TRPM3: variants seen among roughly 807,000 people sequenced by gnomAD.
TRPM3 encodes the protein transient receptor potential cation channel subfamily M member 3.
A neutral mutation model predicts 181.2 loss-of-function variants in TRPM3; 77 were observed. The ratio of observed to expected loss-of-function variants is 0.42; its 90% CI spans 0.35 to 0.51. The LOEUF is 0.51. Among genes scored for constraint, TRPM3 ranks in the 20% least tolerant of loss-of-function variants. TRPM3 has a pLI of 0.01. For missense variants in TRPM3, 1,759 were observed against 2,196.7 expected (o/e 0.80, Z 3.98); for synonymous variants, 745 against 796.4 (o/e 0.94, Z 1.09).
At chr9:71,046,231 A>C (rs2430869) in intron 1 of TRPM3, among the ~76,000 whole-genome samples, 36,393 of 151,872 alleles carry the variant, frequency 0.24, 4,990 homozygotes, top group East Asian at 0.41. Flanking sequence ...GTGATCCACC[A>C]GACTCGGCCT....
chr9:71,010,787 A>T (rs1350295772), intron 1 of TRPM3, among the ~76,000 whole-genome samples: 1 of 152,142 alleles, frequency 6.6e-6, no homozygotes, highest in Non-Finnish European at 1.5e-5. Context: ...ATGTATCCAA[A>T]AGAAATGAAA....
intron 1 of TRPM3, among the ~76,000 whole-genome samples, chr9:71,305,986 A>G (rs940580688): frequency 6.6e-6 from 1 of 152,180 alleles, no homozygotes; most frequent in Non-Finnish European, 1.5e-5. Context: ...TGTTGTACAC[A>G]CTAAACTTTC....
intron 1 of TRPM3, among the ~76,000 whole-genome samples, chr9:71,248,374 T>G (rs911037662): frequency 1.3e-5 from 2 of 152,214 alleles, no homozygotes; most frequent in Non-Finnish European, 2.9e-5. Flanking sequence ...CTGGACATTC[T>G]GATATTTGAA....
chr9:70,585,731 C>T (rs2056995004), intron 22 of TRPM3, among the ~76,000 whole-genome samples: 1 of 152,130 alleles, frequency 6.6e-6, no homozygotes, highest in African/African-American at 2.4e-5. Flanking sequence ...TGCCTGTTTC[C>T]TCCATTCCAG....
intron 1 of TRPM3, among the ~76,000 whole-genome samples, chr9:71,350,118 A>G (rs981066578): frequency 6.6e-6 from 1 of 151,998 alleles, no homozygotes; most frequent in Non-Finnish European, 1.5e-5. Context: ...GATTCTTCTA[A>G]AATCTTGCTA....
intron 1 of TRPM3, among the ~76,000 whole-genome samples, chr9:70,918,836 T>A (rs13289002): frequency 0.037 from 5,637 of 151,674 alleles, 321 homozygotes; most frequent in African/African-American, 0.13. Flanking sequence ...TTATTTTTTT[T>A]AAAAAAATAA....
At chr9:71,141,730 A>T (rs750453788) in intron 1 of TRPM3, among the ~76,000 whole-genome samples, 1 of 152,166 alleles carries the variant, frequency 6.6e-6, no homozygotes, top group Non-Finnish European at 1.5e-5. Context: ...ATAAATTTTT[A>T]TTACATTTTA....
intron 1 of TRPM3, among the ~76,000 whole-genome samples, chr9:71,375,870 G>A (rs902554407): frequency 2.0e-5 from 3 of 151,966 alleles, no homozygotes; most frequent in African/African-American, 7.2e-5. Context: ...TATGTACATT[G>A]TTTTTTAGAC....
intron 1 of TRPM3, among the ~76,000 whole-genome samples, chr9:70,960,312 G>T (rs958636468): frequency 1.3e-5 from 2 of 152,150 alleles, no homozygotes; most frequent in Non-Finnish European, 2.9e-5. Flanking sequence ...TGCCACTCAA[G>T]CTTGCTTGTT....
At chr9:71,134,736 C>A (rs2074660316) in intron 1 of TRPM3, among the ~76,000 whole-genome samples, 1 of 152,096 alleles carries the variant, frequency 6.6e-6, no homozygotes, top group Non-Finnish European at 1.5e-5. Flanking sequence ...TGAATGCTAT[C>A]TTATTGGTCT....
chr9:70,763,676 A>G (rs913419785), intron 7 of TRPM3, among the ~76,000 whole-genome samples: 3 of 152,176 alleles, frequency 2.0e-5, no homozygotes, highest in Admixed American at 6.5e-5. Context: ...GTGAATGTCT[A>G]CTTAGTGCCA....
intron 1 of TRPM3, among the ~76,000 whole-genome samples, chr9:71,216,126 TCTCAA>T (rs1337838461): frequency 6.6e-6 from 1 of 152,220 alleles, no homozygotes; most frequent in Non-Finnish European, 1.5e-5. Flanking sequence ...AGAATTTTGC[TCTCAA>T]CTAAGGGATC....
At chr9:71,085,661 C>T (rs1201863706) in intron 1 of TRPM3, among the ~76,000 whole-genome samples, 2 of 151,922 alleles carry the variant, frequency 1.3e-5, no homozygotes, top group Admixed American at 6.6e-5. Flanking sequence ...ATCTCACACC[C>T]GTCAGAATGG....
intron 22 of TRPM3, among the ~76,000 whole-genome samples, chr9:70,563,308 T>G (rs1256221981): frequency 6.6e-6 from 1 of 152,222 alleles, no homozygotes; most frequent in Non-Finnish European, 1.5e-5. Context: ...CTCAGTCTTC[T>G]GAGCTCAATA....
At chr9:71,408,450 G>A (rs903055136) in intron 1 of TRPM3, among the ~76,000 whole-genome samples, 1 of 152,172 alleles carries the variant, frequency 6.6e-6, no homozygotes, top group Non-Finnish European at 1.5e-5. Context: ...AGAACTACGT[G>A]ATGCATGCAC....
At chr9:70,635,060 T>C (rs202038546) in intron 12 of TRPM3, 151 bp downstream of exon 12, 79 of 547,016 alleles carry the variant, frequency 1.4e-4, no homozygotes, top group East Asian at 1.9e-4. Flanking sequence ...AAAAGACACA[T>C]ACACACACAC....
intron 1 of TRPM3, among the ~76,000 whole-genome samples, chr9:71,400,849 A>G (rs1458408696): frequency 6.6e-6 from 1 of 152,104 alleles, no homozygotes; most frequent in Non-Finnish European, 1.5e-5. Context: ...CTTTATAAAA[A>G]TACATTCAAA....
chr9:71,062,475 C>T (rs1445080784), intron 1 of TRPM3, among the ~76,000 whole-genome samples: 1 of 152,068 alleles, frequency 6.6e-6, no homozygotes. Flanking sequence ...TAAAACCATA[C>T]AAAAACAGAT....
chr9:71,390,310 G>C (rs1398784919), intron 1 of TRPM3, among the ~76,000 whole-genome samples: 1 of 152,020 alleles, frequency 6.6e-6, no homozygotes, highest in African/African-American at 2.4e-5. Context: ...ACACATAAAG[G>C]AAACTTAATG....
Sources: gnomAD v4.1 joint callset for allele counts (sites outside exome capture counted in the v4.1 genomes callset) on GRCh38, gnomAD v4.1.1 for gene constraint, MANE v1.5 for transcripts, NCBI Gene and HGNC (gene_info 2026-07-23, HGNC 2026-07-21) for gene names.